SPOCK1: variants seen among roughly 807,000 people sequenced by gnomAD.
The protein encoded by SPOCK1 is SPARC (osteonectin), cwcv and kazal like domains proteoglycan 1, also known as testican-1.
In SPOCK1, 23 loss-of-function variants were observed where a neutral mutation model predicts 55.3. The observed-to-expected ratio is 0.42, with a 90% CI of 0.30 to 0.59. The LOEUF is 0.59. Ranked by LOEUF, SPOCK1 falls within the 20% of genes least tolerant of loss-of-function variation. The pLI, the probability that SPOCK1 is intolerant of heterozygous loss-of-function variation, is 0.22. For missense variants in SPOCK1, 499 were observed against 552.5 expected (o/e 0.90, Z 0.97); for synonymous variants, 226 against 221.0 (o/e 1.02, Z -0.20).
At chr5:137,416,334 T>C (rs904665599) in intron 2 of SPOCK1, among the ~76,000 whole-genome samples, 5 of 118,792 alleles carry the variant, frequency 4.2e-5, no homozygotes, top group Non-Finnish European at 7.5e-5. Flanking sequence ...ATAAATATTA[T>C]ACCAGATGGA....
chr5:137,270,230 T>C (rs1580839665), intron 2 of SPOCK1, among the ~76,000 whole-genome samples: 1 of 152,258 alleles, frequency 6.6e-6, no homozygotes, highest in East Asian at 1.9e-4. Context: ...AGGCAAGGCA[T>C]ATCTATCTGA....
intron 2 of SPOCK1, among the ~76,000 whole-genome samples, chr5:137,418,981 G>A (rs1442764484): frequency 6.6e-6 from 1 of 152,130 alleles, no homozygotes; most frequent in Admixed American, 6.5e-5. Flanking sequence ...TTTTGTATAA[G>A]GTGTAAGGAA....
At chr5:137,300,033 T>C (rs1191016538) in intron 2 of SPOCK1, among the ~76,000 whole-genome samples, 1 of 152,188 alleles carries the variant, frequency 6.6e-6, no homozygotes, top group Non-Finnish European at 1.5e-5. Flanking sequence ...CTATTACACA[T>C]ATATTAGACC....
At chr5:136,979,697 G>T (rs559576602) in intron 9 of SPOCK1, among the ~76,000 whole-genome samples, 1 of 152,244 alleles carries the variant, frequency 6.6e-6, no homozygotes, top group South Asian at 2.1e-4. Context: ...AATGATAATA[G>T]CTATCATGTA....
intron 2 of SPOCK1, among the ~76,000 whole-genome samples, chr5:137,305,050 C>T (rs1194659946): frequency 6.6e-6 from 1 of 152,212 alleles, no homozygotes; most frequent in Non-Finnish European, 1.5e-5. Flanking sequence ...CTCCCCTGCC[C>T]CTTCCTAGCT....
chr5:137,140,479 G>T, intron 4 of SPOCK1, 101 bp downstream of exon 4: 5 of 921,752 alleles, frequency 5.4e-6, no homozygotes, highest in Non-Finnish European at 8.2e-6. Flanking sequence ...CTAACACTAT[G>T]CTCTCCCCTC....
chr5:137,024,912 G>T (rs1315914013), intron 6 of SPOCK1, among the ~76,000 whole-genome samples: 2 of 152,172 alleles, frequency 1.3e-5, no homozygotes, highest in Non-Finnish European at 2.9e-5. Context: ...ACATATAATG[G>T]ATTATTATTC....
intron 4 of SPOCK1, among the ~76,000 whole-genome samples, chr5:137,113,063 A>C (rs1753507017): frequency 6.6e-6 from 1 of 152,166 alleles, no homozygotes; most frequent in African/African-American, 2.4e-5. Context: ...AGCTGTAGAA[A>C]ACTATCTCTG....
intron 2 of SPOCK1, among the ~76,000 whole-genome samples, chr5:137,480,304 C>CACACACAT (rs1753922433): frequency 5.8e-4 from 1 of 1,732 alleles, no homozygotes; most frequent in East Asian, 0.05. Context: ...TGCTCTCCTT[C>CACACACAT]ACACACACAC....
chr5:137,061,793 C>T (rs1452550925), intron 6 of SPOCK1, among the ~76,000 whole-genome samples: 1 of 152,146 alleles, frequency 6.6e-6, no homozygotes, highest in Non-Finnish European at 1.5e-5. Context: ...CTAAACCTTG[C>T]TGGTTTGGGA....
intron 6 of SPOCK1, among the ~76,000 whole-genome samples, chr5:137,034,799 A>G (rs6596364): frequency 0.082 from 12,423 of 152,234 alleles, 1,575 homozygotes; most frequent in African/African-American, 0.27. Context: ...GAGAAAGGGC[A>G]CTAGGATGTG....
At chr5:137,235,627 C>T (rs534241813) in intron 3 of SPOCK1, among the ~76,000 whole-genome samples, 4 of 152,292 alleles carry the variant, frequency 2.6e-5, no homozygotes, top group South Asian at 4.1e-4. Context: ...GGTAGATGCA[C>T]GTGTCTGTGT....
At chr5:137,289,795 G>A in intron 2 of SPOCK1, among the ~76,000 whole-genome samples, 1 of 152,152 alleles carries the variant, frequency 6.6e-6, no homozygotes, top group South Asian at 2.1e-4. Flanking sequence ...CAAATGGCTT[G>A]CATATAGAAC....
intron 3 of SPOCK1, among the ~76,000 whole-genome samples, chr5:137,149,757 C>G (rs78000820): frequency 0.044 from 6,628 of 152,228 alleles, 480 homozygotes; most frequent in African/African-American, 0.15. Context: ...CTCAGCAACT[C>G]CAAGAATTTC....
At chr5:137,314,799 C>T (rs1757847958) in intron 2 of SPOCK1, among the ~76,000 whole-genome samples, 2 of 152,162 alleles carry the variant, frequency 1.3e-5, no homozygotes, top group African/African-American at 4.8e-5. Flanking sequence ...TGCCTCTCAT[C>T]CTGAGCTCAG....
intron 6 of SPOCK1, among the ~76,000 whole-genome samples, chr5:137,014,838 C>A (rs763150817): frequency 2.6e-5 from 4 of 152,090 alleles, no homozygotes; most frequent in Non-Finnish European, 4.4e-5. Context: ...GTGAAAACCG[C>A]CAAGGACTCC....
intron 9 of SPOCK1, among the ~76,000 whole-genome samples, chr5:136,984,072 TC>T (rs1438866337): frequency 4.0e-5 from 6 of 151,892 alleles, no homozygotes; most frequent in Non-Finnish European, 8.8e-5. Flanking sequence ...CACTAGAAAA[TC>T]CTATGGAGGA....
intron 4 of SPOCK1, among the ~76,000 whole-genome samples, chr5:137,118,484 C>T (rs567921361): frequency 6.6e-6 from 1 of 152,320 alleles, no homozygotes; most frequent in South Asian, 2.1e-4. Flanking sequence ...CCAACCCATA[C>T]CCTGTGACCT....
At chr5:137,024,318 G>T (rs914645624) in intron 6 of SPOCK1, among the ~76,000 whole-genome samples, 16 of 148,832 alleles carry the variant, frequency 1.1e-4, no homozygotes, top group Admixed American at 1.1e-3. Context: ...GTTTGAAGGG[G>T]GGGGGGTAGT....
Sources: allele counts gnomAD v4.1 joint callset (sites outside exome capture counted in the v4.1 genomes callset), GRCh38; gene constraint gnomAD v4.1.1; transcripts MANE v1.5; gene names NCBI Gene and HGNC (gene_info 2026-07-23, HGNC 2026-07-21).